Variants in EIF3M observed in about 807,000 individuals in gnomAD.
EIF3M encodes the protein B5 receptor.
A neutral mutation model predicts 49.7 loss-of-function variants in EIF3M; 25 were observed. The ratio of observed to expected loss-of-function variants is 0.50; its 90% confidence interval spans 0.37 to 0.70. The LOEUF is 0.70. Ranked by LOEUF, EIF3M falls within the 30% of genes least tolerant of loss-of-function variation. The probability of loss-of-function intolerance (pLI) is 0.00; values close to 1 mark genes in which losing one functional copy is unlikely to be tolerated. For missense variants in EIF3M, 350 were observed against 440.0 expected (o/e 0.80, Z 1.83); for synonymous variants, 156 against 149.8 (o/e 1.04, Z -0.30).
chr11:32,587,160 T>C lies in EIF3M; in HGVS notation c.175+16T>C, dbSNP rs1489915459. On this transcript the variant is annotated intron_variant, in intron 2 of 10. Coordinates refer to ENST00000531120, the MANE Select transcript of EIF3M (RefSeq NM_006360.6). ...GATGATAAAGGTTTGTTTTTAATTT[T>C]TTTCTAATATTTCCTAATAAAATCT... 2 of 1,547,164 alleles carry C rather than the reference T, an allele frequency of 1.3e-6. No homozygotes were observed. Among genetic ancestry groups the C allele is most frequent in the Non-Finnish European group, 1.7e-6 (2 of 1,146,810 alleles).
rs1165396027 is a variant in EIF3M, at chr11:32,605,470, A to G, written c.*3071A>G. 6.6e-6 allele frequency: 1 copy of G among 152,224 alleles called. No individual in the cohort carries two copies. The highest frequency in any genetic ancestry group is 2.4e-5 in the African/African-American group (1 of 41,458). 9.4% of individuals were successfully genotyped at this position (152,224 alleles called of 1,614,324 possible). On this transcript the variant is annotated 3_prime_UTR_variant, in exon 11 of 11. Transcript: ENST00000531120. The stretch of plus-strand genomic sequence containing the variant: ...TAGTTCCCAGATGCTATTACTGGAA[A>G]GAATAACTAGTAATGGATAAAAACC...
chr11:32,601,861 T>C (rs776626176), intron 10 of EIF3M, 39 bp downstream of exon 10: 189 of 1,598,006 alleles, frequency 1.2e-4, no homozygotes, highest in Non-Finnish European at 1.6e-4. Flanking sequence ...TATAGAACGA[T>C]TTAGTTTGTT....
In EIF3M at chr11:32,604,095, AAT is replaced by A. The variant is rs1855314120; in HGVS notation, c.*1698_*1699del. On this transcript the variant is annotated 3_prime_UTR_variant, in exon 11 of 11. Transcript: ENST00000531120. Reference sequence around the variant, plus strand: ...AATAAATAATAGATAAAACAAAAGGAATACTGAATTGTTTTCAAAATAACAAT... The same window carrying A: ...AATAAATAATAGATAAAACAAAAGGAACTGAATTGTTTTCAAAATAACAAT... The A allele has an allele frequency of 1.3e-5, 2 of 152,046 alleles. No homozygotes were observed. The highest frequency in any genetic ancestry group is 1.3e-4 in the Admixed American group (2 of 15,276). The allele number at this position is 152,046 out of a possible 1,614,324, so 9.4% of individuals were successfully genotyped here.
rs1442962427 is a variant in EIF3M at position 32,596,540 on chromosome 11, G to A, written c.799+493G>A. ...AACCCGGGAGATGGAGGCGGAGGTT[G>A]CAGTGAGCCAAGACTGTGCCACTGC... On this transcript the variant is annotated intron_variant, in intron 8 of 10. Transcript: ENST00000531120. 4.7e-5 allele frequency among the ~76,000 whole-genome samples: 7 copies of A among 149,474 alleles called. No individual in the cohort carries two copies. The Admixed American group carries it at 4.7e-4, about 10-fold the overall frequency.
chr11:32,595,381 C>T (rs1855164423), intron 7 of EIF3M, among the ~76,000 whole-genome samples: 1 of 152,142 alleles, frequency 6.6e-6, no homozygotes, highest in Non-Finnish European at 1.5e-5. Flanking sequence ...AGGCACATGC[C>T]ATCAGGCCCA....
intron 10 of EIF3M, 31 bp downstream of exon 10, chr11:32,601,853 TAGA>T (rs1855272422): frequency 1.9e-6 from 3 of 1,603,496 alleles, no homozygotes; most frequent in African/African-American, 1.4e-5. Context: ...CAGCATTTTA[TAGA>T]ACGATTTAGT....
At chr11:32,592,779 A>C (rs956304242) in intron 5 of EIF3M, 10 of 423,970 alleles carry the variant, frequency 2.4e-5, no homozygotes, top group Middle Eastern at 4.8e-4. Context: ...TTCCAGGTTG[A>C]GTTCAGTATT....
chr11:32,599,449 G>C (rs1855228507), intron 8 of EIF3M, among the ~76,000 whole-genome samples: 1 of 151,910 alleles, frequency 6.6e-6, no homozygotes, highest in Non-Finnish European at 1.5e-5. Context: ...AGATGATCAT[G>C]TCCTATGTTA....
intron 10 of EIF3M, 110 bp from the exon 11 acceptor site, chr11:32,602,169 A>C: frequency 7.1e-7 from 1 of 1,412,554 alleles, no homozygotes. Context: ...ACTATTCTAA[A>C]TTAGGTATAT....
rs111992299 is a variant in EIF3M, at chr11:32,593,946, A to G, written c.614A>G (p.His205Arg). ...GCTTCCCAGGCTCGAGTTGATGCCC[A>G]CAGGTAATGTTAAACGTTACTCTGA... is the stretch of plus-strand genomic sequence containing the variant. ...DNASQARVDA[H>R]RCIVRALKDP... Residue 205 changes from histidine (H) to arginine (R), a missense_variant, in exon 6 of 11, where the codon CAC (histidine) becomes CGC (arginine). His to Arg is a conservative substitution (Grantham distance 29, BLOSUM62 0). Transcript: ENST00000531120. 1 of 1,539,302 alleles carries G rather than the reference A, an allele frequency of 6.5e-7. No individual in the cohort carries two copies. The highest frequency in any genetic ancestry group is 8.8e-7 in the Non-Finnish European group (1 of 1,141,168).
In EIF3M at chr11:32,602,912, G is replaced by A; in HGVS notation, c.*513G>A. 6.2e-7 allele frequency: 1 copy of A among 1,611,806 alleles called. No homozygotes were observed. The highest frequency in any genetic ancestry group is 8.5e-7 in the Non-Finnish European group (1 of 1,178,744). On this transcript the variant is annotated 3_prime_UTR_variant, in exon 11 of 11. Transcript: ENST00000531120. ...AGTAAATTTTCACTTTTATTTAGTT[G>A]ATTCGTAATGAGGCTCTGCCAGTCA...
chr11:32,599,691 CA>C (rs1429310806), intron 8 of EIF3M, among the ~76,000 whole-genome samples: 1 of 151,880 alleles, frequency 6.6e-6, no homozygotes, highest in Non-Finnish European at 1.5e-5. Flanking sequence ...AAGTTAGCAT[CA>C]AAACAAGTAT....
intron 10 of EIF3M, 25 bp from the exon 11 acceptor site, chr11:32,602,254 C>T: frequency 6.2e-7 from 1 of 1,601,680 alleles, no homozygotes; most frequent in South Asian, 1.1e-5. Flanking sequence ...TTGACTAACA[C>T]TGTGTTTAAT....
intron 1 of EIF3M, among the ~76,000 whole-genome samples, chr11:32,585,553 A>G (rs1024662998): frequency 6.6e-6 from 1 of 152,178 alleles, no homozygotes; most frequent in African/African-American, 2.4e-5. Context: ...TGTGGCAGTG[A>G]GGATGACAGA....
intron 1 of EIF3M, among the ~76,000 whole-genome samples, chr11:32,586,745 C>G (rs138909973): frequency 4.6e-5 from 7 of 152,146 alleles, no homozygotes; most frequent in Non-Finnish European, 1.0e-4. Flanking sequence ...TGCTGGAAGT[C>G]CAGCAGGGTG....
At chr11:32,590,258 T>G (rs1855079559) in intron 5 of EIF3M, among the ~76,000 whole-genome samples, 1 of 152,224 alleles carries the variant, frequency 6.6e-6, no homozygotes, top group Admixed American at 6.5e-5. Flanking sequence ...ATAACATTGG[T>G]ATTACATCCA....
At chr11:32,589,665 A>AT (rs761617603) in intron 5 of EIF3M, 24 bp downstream of exon 5, 1 of 1,597,228 alleles carries the variant, frequency 6.3e-7, no homozygotes, top group Admixed American at 1.7e-5. Flanking sequence ...ATGAACTAAC[A>AT]TATCACTTAA....
chr11:32,592,759 T>C, intron 5 of EIF3M: 1 of 468,930 alleles, frequency 2.1e-6, no homozygotes, highest in Non-Finnish European at 4.1e-6. Flanking sequence ...CTCCTTTGGA[T>C]CATGGCCTCT....
At chr11:32,594,872 G>A in intron 6 of EIF3M, 42 bp from the exon 7 acceptor site, 3 of 1,559,092 alleles carry the variant, frequency 1.9e-6, no homozygotes, top group Non-Finnish European at 2.6e-6. Flanking sequence ...GAAAAGCCAG[G>A]ATTTCAAAAC....
Sources: allele counts gnomAD v4.1 joint callset (sites outside exome capture counted in the v4.1 genomes callset), GRCh38; gene constraint gnomAD v4.1.1; transcripts MANE v1.5; gene names NCBI Gene and HGNC (gene_info 2026-07-23, HGNC 2026-07-21).